The following HPSE2 variants were observed in gnomAD, a reference collection of about 807,000 sequenced individuals.
The protein encoded by HPSE2 is heparanase 2 (inactive).
In HPSE2, 38 loss-of-function variants were observed where a neutral mutation model predicts 60.5. The ratio of observed to expected loss-of-function variants is 0.63; its 90% CI spans 0.48 to 0.82. The LOEUF (loss-of-function observed/expected upper bound fraction) is 0.82. Among genes scored for constraint, HPSE2 ranks in the 40% least tolerant of loss-of-function variants. The pLI is 0.00. For missense variants in HPSE2, 713 were observed against 740.4 expected (o/e 0.96, Z 0.43); for synonymous variants, 295 against 293.2 (o/e 1.01, Z -0.06).
Position 98,789,656 on chromosome 10 carries a change from A to G in HPSE2, c.611-45600T>C, listed in dbSNP as rs1381510566. Among the ~76,000 whole-genome samples, 3 of 152,296 alleles carry G rather than the reference A, an allele frequency of 2.0e-5. 1 individual carries two copies. Among genetic ancestry groups the G allele is most frequent in the South Asian group, 4.1e-4 (2 of 4,826 alleles). On this transcript the variant is annotated intron_variant, in intron 3 of 11. Transcript: ENST00000370552. ...TTGGATGAGGCTACTCTCTGCAGAT[A>G]AGGCAGATCCTAAAGGAGATGACAG...
At chr10:98,702,301 A>T (rs1318595419) in intron 5 of HPSE2, among the ~76,000 whole-genome samples, 1 of 152,200 alleles carries the variant, frequency 6.6e-6, no homozygotes, top group Non-Finnish European at 1.5e-5. Flanking sequence ...AAGCACCCAG[A>T]TTCATAATAC....
At chr10:98,963,461 C>T (rs530609180) in intron 3 of HPSE2, among the ~76,000 whole-genome samples, 2 of 152,116 alleles carry the variant, frequency 1.3e-5, no homozygotes, top group Non-Finnish European at 2.9e-5. Context: ...CTTTCTTTTA[C>T]AAGGACTGAG....
At chr10:99,077,939 C>A (rs556755771) in intron 3 of HPSE2, among the ~76,000 whole-genome samples, 31 of 152,194 alleles carry the variant, frequency 2.0e-4, no homozygotes, top group Admixed American at 2.0e-3. Flanking sequence ...GCTTCATGCC[C>A]TACTCACAGT....
chr10:99,223,168 T>C (rs1460706437), intron 2 of HPSE2, among the ~76,000 whole-genome samples: 1 of 152,156 alleles, frequency 6.6e-6, no homozygotes, highest in Non-Finnish European at 1.5e-5. Flanking sequence ...TGGGTAGTCT[T>C]GGGCAAATTA....
intron 11 of HPSE2, among the ~76,000 whole-genome samples, chr10:98,460,307 G>GT (rs1480274929): frequency 6.6e-6 from 1 of 152,120 alleles, no homozygotes; most frequent in Non-Finnish European, 1.5e-5. Context: ...AGAGACATAG[G>GT]TAACACCTCT....
chr10:98,860,527 T>C (rs1323147891), intron 3 of HPSE2, among the ~76,000 whole-genome samples: 1 of 152,212 alleles, frequency 6.6e-6, no homozygotes, highest in Non-Finnish European at 1.5e-5. Flanking sequence ...ATTACTTTAC[T>C]TAATCCACAC....
chr10:98,613,430 T>C (rs1466981565), intron 9 of HPSE2, among the ~76,000 whole-genome samples: 1 of 152,202 alleles, frequency 6.6e-6, no homozygotes, highest in East Asian at 1.9e-4. Flanking sequence ...TTTTACTCTT[T>C]GTGATTTAAT....
chr10:99,294,103 T>C, the HPSE2 span, among the ~76,000 whole-genome samples: 2 of 152,088 alleles, frequency 1.3e-5, no homozygotes, highest in African/African-American at 4.8e-5. Context: ...GCGGCAGTAG[T>C]GTCTGACCAG....
chr10:98,603,739 C>A (rs1009490835), intron 9 of HPSE2, among the ~76,000 whole-genome samples: 14 of 151,980 alleles, frequency 9.2e-5, no homozygotes, highest in Non-Finnish European at 2.1e-4. Flanking sequence ...CTGTTCTTAG[C>A]AAGTTCTGCC....
intron 3 of HPSE2, among the ~76,000 whole-genome samples, chr10:98,764,885 C>A (rs916446783): frequency 1.1e-4 from 17 of 151,638 alleles, no homozygotes; most frequent in Admixed American, 2.6e-4. Flanking sequence ...AACAAACAAA[C>A]AAAAAAACTA....
intron 5 of HPSE2, among the ~76,000 whole-genome samples, chr10:98,698,941 G>A (rs1948319112): frequency 6.6e-6 from 1 of 152,134 alleles, no homozygotes; most frequent in East Asian, 1.9e-4. Flanking sequence ...ACTAAACCAG[G>A]AAGAAGTTGA....
At position 99,111,975 on chromosome 10, in the gene HPSE2, T is replaced by G. The variant is rs542783218; in HGVS notation, c.610+32263A>C. ...GTGAGGGCAGGGATTGGGTCAAGTC[T>G]TATCATCTACATATCCCTAGTGAGT... On this transcript the variant is annotated intron_variant, in intron 3 of 11. Coordinates refer to ENST00000370552, the MANE Select transcript of HPSE2 (RefSeq NM_021828.5). 8.5e-4 allele frequency among the ~76,000 whole-genome samples: 129 copies of G among 152,356 alleles called. 1 individual carries two copies. The highest frequency in any genetic ancestry group is 2.9e-3 in the African/African-American group (122 of 41,594).
chr10:99,070,365 C>T (rs1258606753), intron 3 of HPSE2, among the ~76,000 whole-genome samples: 1 of 152,148 alleles, frequency 6.6e-6, no homozygotes, highest in African/African-American at 2.4e-5. Flanking sequence ...TGATATGATG[C>T]TCAACACTGT....
Position 98,615,134 on chromosome 10 carries a change from C to T in HPSE2, c.1206-116G>A, listed in dbSNP as rs570042090. On this transcript the variant is annotated intron_variant, in intron 8 of 11. Transcript: ENST00000370552. Reference sequence around the variant, plus strand: ...CACCAATCTCCAGTCACCAAATTTACCTAGTACTTTAAAAAGGGTTATTTT... The same window carrying T: ...CACCAATCTCCAGTCACCAAATTTATCTAGTACTTTAAAAAGGGTTATTTT... 74 of 735,652 alleles carry T rather than the reference C, an allele frequency of 1.0e-4. No individual in the cohort carries two copies. In the African/African-American group the frequency reaches 1.2e-3, roughly 12 times the overall value. The allele number at this position is 735,652 out of a possible 1,614,324, so 45.6% of individuals were successfully genotyped here.
At position 98,614,942 on chromosome 10, in the gene HPSE2, A is replaced by T. The variant is rs1945863344; in HGVS notation, c.1282T>A (p.Tyr428Asn). ...VIRHSFFDHG[Y>N]NHLVDQNFNP... ...AAATTCTGGTCCACGAGGTGATTGT[A>T]TCCATGGTCAAAAAATGAGTGCCGT... Residue 428 changes from tyrosine to asparagine, a missense_variant, in exon 9 of 12, where the codon TAC (tyrosine) becomes AAC (asparagine). Coordinates refer to ENST00000370552, the MANE Select transcript of HPSE2 (RefSeq NM_021828.5). 6.2e-7 allele frequency: 1 copy of T among 1,614,086 alleles called. No individual in the cohort carries two copies. The highest frequency in any genetic ancestry group is 1.3e-5 in the African/African-American group (1 of 75,048).
chr10:98,582,576 C>T (rs1932803), intron 9 of HPSE2, among the ~76,000 whole-genome samples: 84,966 of 151,946 alleles, frequency 0.56, 24,025 homozygotes, highest in Middle Eastern at 0.64. Flanking sequence ...ATCTGTGTCT[C>T]GTCTTTCAAG....
intron 3 of HPSE2, among the ~76,000 whole-genome samples, chr10:98,967,533 G>C (rs530431041): frequency 1.3e-5 from 2 of 152,080 alleles, no homozygotes; most frequent in East Asian, 1.9e-4. Context: ...TTGGTTTCTC[G>C]ATTGGAAAAA....
At chr10:98,937,406 C>T (rs1954835253) in intron 3 of HPSE2, among the ~76,000 whole-genome samples, 2 of 144,616 alleles carry the variant, frequency 1.4e-5, no homozygotes, top group Non-Finnish European at 3.0e-5. Flanking sequence ...TTCCGACAGG[C>T]TTAAAAAACG....
chr10:99,272,494 C>T, the HPSE2 span, among the ~76,000 whole-genome samples: 12 of 152,056 alleles, frequency 7.9e-5, no homozygotes, highest in Non-Finnish European at 1.6e-4. Flanking sequence ...AGACAGCCCA[C>T]AGAGTGGGAG....
Sources: gnomAD v4.1 joint callset for allele counts (sites outside exome capture counted in the v4.1 genomes callset) on GRCh38, gnomAD v4.1.1 for gene constraint, MANE v1.5 for transcripts, NCBI Gene and HGNC (gene_info 2026-07-23, HGNC 2026-07-21) for gene names.